BRCC3: variants seen among roughly 807,000 people sequenced by gnomAD.
BRCC3 encodes lys-63-specific deubiquitinase BRCC36.
BRCC3 carries 15 observed loss-of-function variants against 28.0 expected under a neutral mutation model. The ratio of observed to expected loss-of-function variants is 0.54; its 90% CI spans 0.36 to 0.82. The LOEUF is 0.82. Ranked by LOEUF, BRCC3 falls within the 40% of genes least tolerant of loss-of-function variation. The pLI is 0.01. For synonymous variants in BRCC3, 66 were observed against 80.3 expected (o/e 0.82, Z 0.95); for missense variants, 109 against 225.9 (o/e 0.48, Z 3.32).
At chrX:155,115,636 A>G (rs4898358) in intron 7 of BRCC3, among the ~76,000 whole-genome samples, 33,527 of 111,735 alleles carry the variant, frequency 0.3, 3,999 homozygotes, top group African/African-American at 0.44. Context: ...TCCCACCTAC[A>G]TAATGAATGT....
At chrX:155,074,372 C>G (rs1455220421) in intron 3 of BRCC3, among the ~76,000 whole-genome samples, 6 of 112,169 alleles carry the variant, frequency 5.3e-5, no homozygotes, top group East Asian at 2.8e-4. Flanking sequence ...CCCAGTCAAA[C>G]CCACTGAGGT....
Position 155,100,145 on chromosome X carries a change from A to AT in BRCC3, c.548+9314dup, listed in dbSNP as rs199580500. 2.7e-5 allele frequency among the ~76,000 whole-genome samples: 3 copies of AT among 110,961 alleles called. No individual in the cohort carries two copies. The Admixed American group carries it at 2.9e-4, about 11-fold the overall frequency. ...GGTATTTTGTCACATTTCTATTGTC[A>AT]TTTTTTTTCTTTATTGTATGGATAT... On this transcript the variant is annotated intron_variant, in intron 7 of 10. Transcript: ENST00000330045.
At chrX:155,108,217 C>T (rs1442814230) in intron 7 of BRCC3, among the ~76,000 whole-genome samples, 1 of 111,829 alleles carries the variant, frequency 8.9e-6, no homozygotes, top group Non-Finnish European at 1.9e-5. Context: ...TGGGAAAATA[C>T]GGTAAGTACA....
At chrX:155,097,112 C>T (rs1027517082) in intron 7 of BRCC3, among the ~76,000 whole-genome samples, 9 of 111,588 alleles carry the variant, frequency 8.1e-5, no homozygotes, top group South Asian at 3.7e-4. Context: ...TTTATGAATA[C>T]GACTCCAAAA....
chrX:155,099,604 G>A (rs2074234793), intron 7 of BRCC3, among the ~76,000 whole-genome samples: 1 of 112,114 alleles, frequency 8.9e-6, no homozygotes, highest in Admixed American at 9.4e-5. Context: ...AAGGAGGAAA[G>A]TGAGAATGCG....
At chrX:155,107,320 A>AT (rs201256638) in intron 7 of BRCC3, among the ~76,000 whole-genome samples, 21 of 104,413 alleles carry the variant, frequency 2.0e-4, no homozygotes, top group African/African-American at 3.1e-4. Context: ...ATTTTTATTT[A>AT]TTTTTTTTTT....
chrX:155,086,309 A>G (rs1602775801), intron 5 of BRCC3, among the ~76,000 whole-genome samples: 1 of 111,413 alleles, frequency 9.0e-6, no homozygotes, highest in African/African-American at 3.3e-5. Flanking sequence ...CGATGTCCAC[A>G]TTGTGCACCC....
At chrX:155,087,554 G>A (rs1172411455) in intron 5 of BRCC3, among the ~76,000 whole-genome samples, 1 of 111,837 alleles carries the variant, frequency 8.9e-6, no homozygotes, top group Non-Finnish European at 1.9e-5. Context: ...AGTGGCTGGT[G>A]TAGATTTGAA....
intron 7 of BRCC3, among the ~76,000 whole-genome samples, chrX:155,106,510 T>G (rs1654401390): frequency 8.9e-6 from 1 of 112,605 alleles, no homozygotes; most frequent in African/African-American, 3.2e-5. Context: ...TTTAGAACAT[T>G]AAATAGTAGT....
intron 5 of BRCC3, among the ~76,000 whole-genome samples, chrX:155,084,975 A>T (rs1344869278): frequency 9.0e-6 from 1 of 111,189 alleles, no homozygotes; most frequent in Non-Finnish European, 1.9e-5. Flanking sequence ...GTCTCTTAAA[A>T]TTTTTTTTTA....
intron 2 of BRCC3, among the ~76,000 whole-genome samples, chrX:155,073,092 C>G (rs2074000942): frequency 9.0e-6 from 1 of 111,566 alleles, no homozygotes; most frequent in Admixed American, 9.5e-5. Context: ...ATTTAAACTT[C>G]AAATCATACC....
At chrX:155,097,932 C>T (rs1201651181) in intron 7 of BRCC3, among the ~76,000 whole-genome samples, 1 of 111,274 alleles carries the variant, frequency 9.0e-6, no homozygotes, top group Non-Finnish European at 1.9e-5. Flanking sequence ...GGAGGCGGAG[C>T]TTGCAGTGAG....
chrX:155,113,846 G>T (rs1338303583), intron 7 of BRCC3, among the ~76,000 whole-genome samples: 3 of 111,629 alleles, frequency 2.7e-5, no homozygotes, highest in African/African-American at 9.8e-5. Context: ...TATTTCTCTT[G>T]GTCAACAAGC....
rs1557299630 is a variant in BRCC3 at position 155,122,785 on chromosome X, GA to G, written c.*1582del. ...ATGATCGCATTTATATAACATTCTTGAGGTGACAAAATTATTGAAATGAAGA... is the reference window on the plus strand; with the variant it reads ...ATGATCGCATTTATATAACATTCTTGGGTGACAAAATTATTGAAATGAAGA... On this transcript the variant is annotated 3_prime_UTR_variant, in exon 11 of 11. Transcript: ENST00000330045. 9.0e-6 allele frequency: 1 copy of G among 111,472 alleles called. No individual in the cohort carries two copies. The highest frequency in any genetic ancestry group is 1.9e-5 in the Non-Finnish European group (1 of 53,052). The allele number at this position is 111,472 out of a possible 1,213,427, so 9.2% of individuals were successfully genotyped here. A position where few individuals can be genotyped will look rare whatever the true frequency, so the allele number is the denominator to read the frequency against.
At chrX:155,107,991 A>G (rs1557297708) in intron 7 of BRCC3, among the ~76,000 whole-genome samples, 1 of 111,806 alleles carries the variant, frequency 8.9e-6, no homozygotes, top group Non-Finnish European at 1.9e-5. Flanking sequence ...GAAAACACCT[A>G]TGCAACCACA....
rs2074157300 is a variant in BRCC3 at position 155,089,207 on chromosome X, AAGCTGTGAGACACAGCTTATT to A, written c.404-55_404-35del. On this transcript the variant is annotated intron_variant, in intron 5 of 10. Coordinates refer to ENST00000330045, the MANE Select transcript of BRCC3 (RefSeq NM_001018055.3). ...TCTTTAAGTCAATCTTTAAATCAAT[AAGCTGTGAGACACAGCTTATT>A]GACAGAAGATTTTTAAATTTTCATT... 3 of 793,572 alleles carry A rather than the reference AAGCTGTGAGACACAGCTTATT, an allele frequency of 3.8e-6. No individual in the cohort carries two copies. In the South Asian group the frequency reaches 7.3e-5, roughly 19 times the overall value. The allele number at this position is 793,572 out of a possible 1,213,427, so 65.4% of individuals were successfully genotyped here. A position where few individuals can be genotyped will look rare whatever the true frequency, so the allele number is the denominator to read the frequency against.
intron 3 of BRCC3, among the ~76,000 whole-genome samples, chrX:155,076,304 G>A (rs782820689): frequency 1.7e-4 from 19 of 111,066 alleles, no homozygotes; most frequent in African/African-American, 4.6e-4. Flanking sequence ...TGGGAGAATC[G>A]CTTGAACCCA....
chrX:155,099,324 T>C, intron 7 of BRCC3: 1 of 1,209,587 alleles, frequency 8.3e-7, no homozygotes, highest in Non-Finnish European at 1.1e-6. Context: ...GGTCCCTTCA[T>C]GGTCCACGAG....
intron 9 of BRCC3, among the ~76,000 whole-genome samples, chrX:155,119,374 G>A (rs1335072624): frequency 8.9e-6 from 1 of 111,746 alleles, no homozygotes; most frequent in Non-Finnish European, 1.9e-5. Context: ...CATATTATGA[G>A]AGAGAAAAAG....
Sources: gnomAD v4.1 joint callset for allele counts (sites outside exome capture counted in the v4.1 genomes callset) on GRCh38, gnomAD v4.1.1 for gene constraint, MANE v1.5 for transcripts, NCBI Gene and HGNC (gene_info 2026-07-23, HGNC 2026-07-21) for gene names.